Variants in CUX1 observed in about 807,000 individuals in gnomAD.
CUX1 encodes cut like homeobox 1, also known as protein CASP.
A neutral mutation model predicts 158.8 loss-of-function variants in CUX1; 31 were observed. The ratio of observed to expected loss-of-function variants is 0.20; its 90% CI spans 0.15 to 0.26. CUX1 has a LOEUF of 0.26. Among genes scored for constraint, CUX1 ranks in the 10% least tolerant of loss-of-function variants. The pLI is 1.00. For missense variants in CUX1, 1,589 were observed against 2,014.6 expected (o/e 0.79, Z 4.04); for synonymous variants, 879 against 862.1 (o/e 1.02, Z -0.34).
intron 3 of CUX1, among the ~76,000 whole-genome samples, chr7:102,053,640 G>A (rs980198300): frequency 1.5e-4 from 23 of 152,040 alleles, no homozygotes; most frequent in African/African-American, 5.3e-4. Flanking sequence ...ATGTCCAAGA[G>A]TTAAAAATTG....
At chr7:102,032,234 G>T (rs1287162338) in intron 3 of CUX1, among the ~76,000 whole-genome samples, 3 of 152,100 alleles carry the variant, frequency 2.0e-5, no homozygotes, top group African/African-American at 7.2e-5. Context: ...TGGCCTGGAA[G>T]TGGTTTTTAA....
intron 18 of CUX1, among the ~76,000 whole-genome samples, chr7:102,279,305 C>T (rs1391269103): frequency 4.6e-5 from 7 of 152,172 alleles, no homozygotes; most frequent in Admixed American, 4.6e-4. Context: ...CACACCATTG[C>T]ACTCCAGCCT....
chr7:101,840,448 G>C (rs944570196), intron 1 of CUX1, among the ~76,000 whole-genome samples: 1 of 152,108 alleles, frequency 6.6e-6, no homozygotes, highest in African/African-American at 2.4e-5. Flanking sequence ...ATAAATAGGC[G>C]TTATCCTCTT....
Position 102,251,599 on chromosome 7 carries a change from T to C in CUX1, c.*2557T>C, listed in dbSNP as rs904620408. The C allele has an allele frequency of 3.0e-6, 3 of 985,258 alleles. No homozygotes were observed. The highest frequency in any genetic ancestry group is 2.3e-4 in the East Asian group (2 of 8,830). 61.0% of individuals were successfully genotyped at this position (985,258 alleles called of 1,614,324 possible). A position where few individuals can be genotyped will look rare whatever the true frequency, so the allele number is the denominator to read the frequency against. On this transcript the variant is annotated 3_prime_UTR_variant, in exon 24 of 24. Coordinates refer to ENST00000292535, the MANE Select transcript of CUX1 (RefSeq NM_181552.4). ...GAAGAGAATTCAAAATTAGAGGAGC[T>C]TAAGGGGACACGGGTCAACATCTAG... is the stretch of plus-strand genomic sequence containing the variant.
intron 13 of CUX1, among the ~76,000 whole-genome samples, chr7:102,195,056 A>G (rs1056695410): frequency 6.6e-6 from 1 of 151,346 alleles, no homozygotes; most frequent in East Asian, 1.9e-4. Context: ...AATAAAATTG[A>G]CATCCTAAGT....
chr7:102,162,677 G>T (rs2131607261), intron 9 of CUX1, among the ~76,000 whole-genome samples: 1 of 152,236 alleles, frequency 6.6e-6, no homozygotes, highest in Middle Eastern at 3.4e-3. Context: ...ACCACACCCA[G>T]CTAATTATTG....
intron 2 of CUX1, chr7:101,959,465 C>T (rs1452891960): frequency 6.6e-6 from 1 of 152,144 alleles, no homozygotes; most frequent in African/African-American, 2.4e-5. Flanking sequence ...ATATGGCAAA[C>T]CAGGCTGCAC....
intron 2 of CUX1, among the ~76,000 whole-genome samples, chr7:102,004,383 G>A (rs536749538): frequency 2.0e-5 from 3 of 152,086 alleles, no homozygotes; most frequent in Non-Finnish European, 4.4e-5. Flanking sequence ...AGCACGGGTC[G>A]GATGGCTTAG....
At position 101,958,504 on chromosome 7, in the gene CUX1, G is replaced by A. The variant is rs544487230; in HGVS notation, c.141+42279G>A. On this transcript the variant is annotated intron_variant, in intron 2 of 23. Transcript: ENST00000292535. ...CTTTTTTTTTTTTTTTTTTTGAGGC[G>A]GAGTCTCACTCTGTTGCTCAGACTT... Among the ~76,000 whole-genome samples, 24 of 128,148 alleles carry A rather than the reference G, an allele frequency of 1.9e-4. No individual in the cohort carries two copies. In the East Asian group the frequency reaches 3.8e-3, roughly 20 times the overall value. The allele number at this position is 128,148 out of a possible 152,430, so 84.1% of individuals were successfully genotyped here.
At chr7:101,976,472 A>G (rs1255558001) in intron 2 of CUX1, among the ~76,000 whole-genome samples, 6 of 152,216 alleles carry the variant, frequency 3.9e-5, no homozygotes, top group African/African-American at 1.2e-4. Context: ...TTTGATTGAA[A>G]AACCCAGACG....
chr7:102,253,937 A>T lies in CUX1; in HGVS notation c.*4895A>T. 3.0e-6 allele frequency: 3 copies of T among 985,328 alleles called. No individual in the cohort carries two copies. Among genetic ancestry groups the T allele is most frequent in the Non-Finnish European group, 3.6e-6 (3 of 829,988 alleles). The allele number at this position is 985,328 out of a possible 1,614,324, so 61.0% of individuals were successfully genotyped here. ...CACTCCTCATTGTCCCTTCTACCTC[A>T]CTAACCTGTCTTCTCCATCTGATGT... On this transcript the variant is annotated 3_prime_UTR_variant, in exon 24 of 24. Transcript: ENST00000292535.
chr7:102,104,073 T>C lies in CUX1; in HGVS notation c.407-263T>C, dbSNP rs73187808. Among the ~76,000 whole-genome samples, 621 of 152,308 alleles carry C rather than the reference T, an allele frequency of 4.1e-3. 2 individuals are homozygous for C. The highest frequency in any genetic ancestry group is 5.6e-3 in the Non-Finnish European group (380 of 68,022). ...TTCCATCTCCCCCCACCCTTTTTTT[T>C]CTTTAACTGGTACTACAGAAACCAA... On this transcript the variant is annotated intron_variant, in intron 5 of 23. Coordinates refer to ENST00000292535, the MANE Select transcript of CUX1 (RefSeq NM_181552.4).
At chr7:102,163,507 A>G (rs951210353) in intron 9 of CUX1, among the ~76,000 whole-genome samples, 2 of 152,102 alleles carry the variant, frequency 1.3e-5, no homozygotes, top group African/African-American at 2.4e-5. Context: ...GGGTCTGAGT[A>G]TGAAGGATTC....
intron 2 of CUX1, among the ~76,000 whole-genome samples, chr7:101,989,710 C>T (rs1814850001): frequency 6.6e-6 from 1 of 152,178 alleles, no homozygotes; most frequent in Non-Finnish European, 1.5e-5. Flanking sequence ...CTGACCCCAA[C>T]ACCATCTCCT....
At chr7:101,848,082 A>G (rs945496363) in intron 1 of CUX1, among the ~76,000 whole-genome samples, 1 of 151,626 alleles carries the variant, frequency 6.6e-6, no homozygotes, top group Non-Finnish European at 1.5e-5. Flanking sequence ...AAAAGAAAAG[A>G]AAAAATAAAC....
chr7:102,129,613 G>T (rs1316390543), intron 8 of CUX1, among the ~76,000 whole-genome samples: 1 of 152,192 alleles, frequency 6.6e-6, no homozygotes, highest in Non-Finnish European at 1.5e-5. Flanking sequence ...GAACCTGGGA[G>T]GCAGAGGCTG....
At chr7:101,991,768 A>G (rs1815168556) in intron 2 of CUX1, among the ~76,000 whole-genome samples, 1 of 152,012 alleles carries the variant, frequency 6.6e-6, no homozygotes, top group Non-Finnish European at 1.5e-5. Context: ...CAAAAAAAAA[A>G]AAAAAAAAAT....
intron 3 of CUX1, among the ~76,000 whole-genome samples, chr7:102,048,948 G>A (rs760696716): frequency 1.3e-5 from 2 of 152,174 alleles, no homozygotes; most frequent in Non-Finnish European, 2.9e-5. Flanking sequence ...CTCCATGTCT[G>A]TTTCATCTGT....
intron 15 of CUX1, 80 bp from the exon 16 acceptor site, chr7:102,198,722 A>G (rs1478091478): frequency 1.5e-6 from 2 of 1,293,422 alleles, no homozygotes; most frequent in African/African-American, 2.9e-5. Context: ...GGCGGCTCAG[A>G]TTTCATGTCA....
Sources: gnomAD v4.1 joint callset for allele counts (sites outside exome capture counted in the v4.1 genomes callset) on GRCh38, gnomAD v4.1.1 for gene constraint, MANE v1.5 for transcripts, NCBI Gene and HGNC (gene_info 2026-07-23, HGNC 2026-07-21) for gene names.